The following SYF2 variants were observed in gnomAD, a reference collection of about 807,000 sequenced individuals.
The protein encoded by SYF2 is pre-mRNA-splicing factor SYF2.
Under a neutral mutation model 32.7 loss-of-function variants are expected in SYF2, and 21 were observed. The ratio of observed to expected loss-of-function variants is 0.64; its 90% CI spans 0.45 to 0.92. The LOEUF (loss-of-function observed/expected upper bound fraction) is 0.92. SYF2 is among the 40% of genes least tolerant of loss of function. SYF2 has a pLI of 0.00. For missense variants in SYF2, 278 were observed against 296.5 expected (o/e 0.94, Z 0.46); for synonymous variants, 114 against 103.9 (o/e 1.10, Z -0.59).
chr1:25,230,096 G>T (rs1294987557), intron 2 of SYF2, among the ~76,000 whole-genome samples: 1 of 152,168 alleles, frequency 6.6e-6, no homozygotes, highest in African/African-American at 2.4e-5. Flanking sequence ...GGGATTACAG[G>T]CATGTGCCAC....
At chr1:25,228,313 C>A in intron 3 of SYF2, 78 bp from the exon 4 acceptor site, 1 of 1,177,054 alleles carries the variant, frequency 8.5e-7, no homozygotes, top group Non-Finnish European at 1.2e-6. Context: ...AAGAAAGATC[C>A]AATAAATATC....
intron 3 of SYF2, 96 bp downstream of exon 3, chr1:25,228,902 G>T (rs925862727): frequency 4.2e-6 from 6 of 1,436,840 alleles, no homozygotes; most frequent in Non-Finnish European, 5.6e-6. Context: ...CTGGCAGCTT[G>T]GCCTAAGAGC....
Position 25,222,934 on chromosome 1 carries a change from G to A in SYF2, c.*332C>T. On this transcript the variant is annotated 3_prime_UTR_variant, in exon 7 of 7. Coordinates refer to ENST00000236273, the MANE Select transcript of SYF2 (RefSeq NM_015484.5). ...GCAACAATGACTGCATCTGATGTGT[G>A]CTGCTGGCAATCTTAAGCCCAAAAT... 5.6e-6 allele frequency: 1 copy of A among 178,004 alleles called. No homozygotes were observed. The highest frequency in any genetic ancestry group is 1.2e-5 in the Non-Finnish European group (1 of 83,560). 11.0% of individuals were successfully genotyped at this position (178,004 alleles called of 1,614,324 possible).
intron 2 of SYF2, chr1:25,231,492 C>A (rs1378663036): frequency 6.5e-6 from 1 of 153,550 alleles, no homozygotes; most frequent in Non-Finnish European, 1.5e-5. Flanking sequence ...TCACCTACTA[C>A]ATGAGGCACC....
chr1:25,226,763 T>C (rs1638516548), intron 5 of SYF2, among the ~76,000 whole-genome samples: 1 of 152,104 alleles, frequency 6.6e-6, no homozygotes, highest in Non-Finnish European at 1.5e-5. Flanking sequence ...GGATGGAGGA[T>C]CACTTGAGGC....
chr1:25,227,020 C>T (rs1433188168), intron 5 of SYF2, among the ~76,000 whole-genome samples: 2 of 151,866 alleles, frequency 1.3e-5, no homozygotes, highest in Non-Finnish European at 2.9e-5. Flanking sequence ...CAGTAGCTCA[C>T]GCCTGTAATC....
chr1:25,230,509 T>C (rs1400760150), intron 2 of SYF2: 2 of 152,208 alleles, frequency 1.3e-5, no homozygotes, highest in African/African-American at 4.8e-5. Flanking sequence ...AGCATGTCTT[T>C]TTAATTGTTT....
chr1:25,229,131 CGT>C lies in SYF2; in HGVS notation c.133-10_133-9del, dbSNP rs1557471059. On this transcript the variant is annotated splice_polypyrimidine_tract_variant and intron_variant, in intron 2 of 6. Transcript: ENST00000236273. ...TAATTTACGAGCTTCATTCTAAAAC[CGT>C]AACACAAGAAGTCTGTCAGCTAAAA... 6.2e-7 allele frequency: 1 copy of C among 1,608,584 alleles called. No individual in the cohort carries two copies. The highest frequency in any genetic ancestry group is 8.5e-7 in the Non-Finnish European group (1 of 1,178,498).
chr1:25,232,493 C>T lies in SYF2; in HGVS notation c.-26G>A, dbSNP rs935886259. On this transcript the variant is annotated 5_prime_UTR_variant, in exon 1 of 7. Transcript: ENST00000236273. ...CACAACCTTTCTCTCTTCCCACTTC[C>T]GGCAACAAGATAGAGCACTTCCGTC... is the stretch of plus-strand genomic sequence containing the variant. The T allele has an allele frequency of 2.5e-5, 40 of 1,614,080 alleles. No homozygotes were observed. Among genetic ancestry groups the T allele is most frequent in the Non-Finnish European group, 3.2e-5 (38 of 1,180,036 alleles).
At chr1:25,227,334 A>G in intron 5 of SYF2, 108 bp downstream of exon 5, 1 of 915,596 alleles carries the variant, frequency 1.1e-6, no homozygotes, top group South Asian at 1.8e-5. Flanking sequence ...TTAGACAACT[A>G]TTAATAACCC....
In SYF2 at chr1:25,223,183, G is replaced by C. The variant is rs1262297691; in HGVS notation, c.*83C>G. ...ATGGACTACTAAATTCTGGATTACT[G>C]ATAAAATTTCAAAAAGAACTTGATT... On this transcript the variant is annotated 3_prime_UTR_variant, in exon 7 of 7. Transcript: ENST00000236273. The C allele has an allele frequency of 1.7e-5, 23 of 1,385,526 alleles. No individual in the cohort carries two copies. The highest frequency in any genetic ancestry group is 1.1e-4 in the Admixed American group (5 of 44,716). The allele number at this position is 1,385,526 out of a possible 1,614,324, so 85.8% of individuals were successfully genotyped here.
At chr1:25,227,614 A>C in intron 4 of SYF2, 82 bp from the exon 5 acceptor site, 1 of 1,249,472 alleles carries the variant, frequency 8.0e-7, no homozygotes, top group Middle Eastern at 1.9e-4. Flanking sequence ...AAATTATCAC[A>C]GGTGAGTATC....
chr1:25,229,268 T>C, intron 2 of SYF2, 145 bp from the exon 3 acceptor site: 1 of 1,019,900 alleles, frequency 9.8e-7, no homozygotes. Flanking sequence ...CATCACAGGA[T>C]TTTAAGCCAG....
rs1638425779 is a variant in SYF2, at chr1:25,222,386, C to CT, written c.*879dup. Among the ~76,000 whole-genome samples, 1 of 151,522 alleles carries CT rather than the reference C, an allele frequency of 6.6e-6. No individual in the cohort carries two copies. Among genetic ancestry groups the CT allele is most frequent in the Non-Finnish European group, 1.5e-5 (1 of 67,958 alleles). On this transcript the variant is annotated 3_prime_UTR_variant, in exon 7 of 7. Coordinates refer to ENST00000236273, the MANE Select transcript of SYF2 (RefSeq NM_015484.5). ...ATAATAGTATTGTGGTCATTTAAGT[C>CT]TTTATCTTTCAGAGATACATACTAA...
chr1:25,230,743 G>A (rs1263659194), intron 2 of SYF2: 1 of 152,216 alleles, frequency 6.6e-6, no homozygotes, highest in East Asian at 1.9e-4. Context: ...TTTGTATCAG[G>A]TGACTGAGGG....
Position 25,226,748 on chromosome 1 carries a change from G to A in SYF2, c.467+694C>T, listed in dbSNP as rs558094113. On this transcript the variant is annotated intron_variant, in intron 5 of 6. Coordinates refer to ENST00000236273, the MANE Select transcript of SYF2 (RefSeq NM_015484.5). ...ACCTGTAATCTCAACCATGTGGGAG[G>A]CCAAGGATGGAGGATCACTTGAGGC... Among the ~76,000 whole-genome samples the A allele has an allele frequency of 2.6e-5, 4 of 152,328 alleles. No homozygotes were observed. In the East Asian group the frequency reaches 7.7e-4, roughly 29 times the overall value.
intron 2 of SYF2, among the ~76,000 whole-genome samples, chr1:25,230,064 C>T (rs1189085659): frequency 1.3e-5 from 2 of 152,064 alleles, no homozygotes; most frequent in Non-Finnish European, 2.9e-5. Context: ...GTGATCTGCC[C>T]GCCTGGACCT....
chr1:25,228,485 C>T (rs1001635000), intron 3 of SYF2, among the ~76,000 whole-genome samples: 1 of 152,140 alleles, frequency 6.6e-6, no homozygotes, highest in African/African-American at 2.4e-5. Flanking sequence ...CAGGCACATG[C>T]CACCATGCCC....
At chr1:25,227,754 T>C (rs1002569688) in intron 4 of SYF2, among the ~76,000 whole-genome samples, 1 of 152,180 alleles carries the variant, frequency 6.6e-6, no homozygotes, top group African/African-American at 2.4e-5. Flanking sequence ...TAGCACCATG[T>C]TGGCATTCAA....
Sources: allele counts gnomAD v4.1 joint callset (sites outside exome capture counted in the v4.1 genomes callset), GRCh38; gene constraint gnomAD v4.1.1; transcripts MANE v1.5; gene names NCBI Gene and HGNC (gene_info 2026-07-23, HGNC 2026-07-21).